The following PCDHGA9 variants were observed in gnomAD, a reference collection of about 807,000 sequenced individuals.
The protein encoded by PCDHGA9 is protocadherin gamma subfamily A, 9, also known as protocadherin gamma-A9.
PCDHGA9 carries 37 observed loss-of-function variants against 62.5 expected under a neutral mutation model. The observed-to-expected ratio is 0.59, with a 90% CI of 0.46 to 0.78. The LOEUF is 0.78. PCDHGA9 is among the 30% of genes least tolerant of loss of function. The pLI, the probability that PCDHGA9 is intolerant of heterozygous loss-of-function variation, is 0.00. For synonymous variants in PCDHGA9, 459 were observed against 484.6 expected (o/e 0.95, Z 0.69); for missense variants, 1,138 against 1,166.2 (o/e 0.98, Z 0.35).
At chr5:141,472,113 A>C (rs1296591849) in intron 1 of PCDHGA9, among the ~76,000 whole-genome samples, 1 of 152,260 alleles carries the variant, frequency 6.6e-6, no homozygotes, top group Non-Finnish European at 1.5e-5. Context: ...ATACATAAAG[A>C]AAATAAAAGA....
intron 1 of PCDHGA9, among the ~76,000 whole-genome samples, chr5:141,455,967 A>T (rs965245893): frequency 2.7e-5 from 4 of 150,838 alleles, no homozygotes; most frequent in Non-Finnish European, 4.4e-5. Flanking sequence ...GCGCGATCTC[A>T]GCTCACTGCA....
chr5:141,464,419 A>C (rs2099083824), intron 1 of PCDHGA9, among the ~76,000 whole-genome samples: 1 of 151,658 alleles, frequency 6.6e-6, no homozygotes, highest in Non-Finnish European at 1.5e-5. Flanking sequence ...ATATATCTAT[A>C]TATATAGATA....
intron 1 of PCDHGA9, among the ~76,000 whole-genome samples, chr5:141,460,070 T>C (rs547558436): frequency 2.0e-5 from 3 of 152,202 alleles, no homozygotes; most frequent in South Asian, 2.1e-4. Flanking sequence ...AGAGTGAGAC[T>C]TCATCTAAAA....
At chr5:141,419,642 G>A (rs376762490) in intron 1 of PCDHGA9, 1 of 1,612,412 alleles carries the variant, frequency 6.2e-7, no homozygotes, top group African/African-American at 1.3e-5. Context: ...GGTGGCCGTG[G>A]ACGCGGACTC....
intron 1 of PCDHGA9, among the ~76,000 whole-genome samples, chr5:141,463,087 C>T (rs971667191): frequency 6.6e-6 from 1 of 152,120 alleles, no homozygotes; most frequent in Non-Finnish European, 1.5e-5. Context: ...CATTTTCCAG[C>T]CCTATGTGAC....
intron 1 of PCDHGA9, among the ~76,000 whole-genome samples, chr5:141,453,176 C>T (rs1225418058): frequency 6.6e-6 from 1 of 152,042 alleles, no homozygotes; most frequent in Non-Finnish European, 1.5e-5. Flanking sequence ...TCCAGTGGTA[C>T]AATCACAGCT....
intron 1 of PCDHGA9, among the ~76,000 whole-genome samples, chr5:141,483,993 G>T (rs1307708919): frequency 6.8e-6 from 1 of 147,882 alleles, no homozygotes; most frequent in Non-Finnish European, 1.5e-5. Flanking sequence ...AGGTTGCTGG[G>T]AGGTCTGGAT....
intron 1 of PCDHGA9, chr5:141,413,447 C>T: frequency 2.5e-6 from 4 of 1,614,088 alleles, no homozygotes; most frequent in Non-Finnish European, 3.4e-6. Flanking sequence ...TTGATCACCG[C>T]GGGCAGGATA....
intron 1 of PCDHGA9, among the ~76,000 whole-genome samples, chr5:141,472,131 A>C (rs565506002): frequency 6.6e-6 from 1 of 152,264 alleles, no homozygotes; most frequent in Non-Finnish European, 1.5e-5. Flanking sequence ...AGAGAAGTTA[A>C]AAATAAAAGT....
At chr5:141,478,444 T>C (rs1190996745) in intron 1 of PCDHGA9, 1 of 1,613,478 alleles carries the variant, frequency 6.2e-7, no homozygotes, top group Non-Finnish European at 8.5e-7. Flanking sequence ...TGAAGAAACC[T>C]GGTGCAGCCA....
chr5:141,464,263 TAAA>T (rs35224477), intron 1 of PCDHGA9, among the ~76,000 whole-genome samples: 2 of 103,604 alleles, frequency 1.9e-5, no homozygotes, highest in Non-Finnish European at 1.9e-5. Flanking sequence ...AGACTCCGTC[TAAA>T]AAAAAAAAAA....
chr5:141,420,301 CT>C, intron 1 of PCDHGA9: 1 of 1,462,308 alleles, frequency 6.8e-7, no homozygotes, highest in Non-Finnish European at 9.2e-7. Flanking sequence ...GTATTTAATC[CT>C]TTTTATATTA....
intron 1 of PCDHGA9, among the ~76,000 whole-genome samples, chr5:141,435,651 C>T (rs762264332): frequency 1.4e-4 from 22 of 152,044 alleles, no homozygotes; most frequent in Non-Finnish European, 2.9e-4. Flanking sequence ...ATTTCTGAAA[C>T]GTGCACAGAT....
intron 1 of PCDHGA9, among the ~76,000 whole-genome samples, chr5:141,437,926 T>C (rs1374182368): frequency 2.6e-5 from 4 of 152,058 alleles, no homozygotes; most frequent in Admixed American, 1.3e-4. Context: ...TTAGTAGAGA[T>C]GGGGTTTCAC....
At position 141,405,128 on chromosome 5, in the gene PCDHGA9, C is replaced by T. The variant is rs373084923; in HGVS notation, c.2176C>T (p.Arg726Trp). The change falls in exon 1 of 4, where the codon CGG (arginine) becomes TGG (tryptophan). Residue 726 changes from arginine to tryptophan, a missense_variant. Physicochemically the swap from Arg to Trp is moderately radical, Grantham distance 101 (BLOSUM62 -3). Transcript: ENST00000573521. ...GCACTGGCACTCCTCGCATCTGCTG[C>T]GGGCTACCAGTGATGGGTTGGCTGG... is the stretch of plus-strand genomic sequence containing the variant. ...LRHWHSSHLL[R>W]ATSDGLAGVP... The T allele has an allele frequency of 4.8e-5, 78 of 1,614,002 alleles. No individual in the cohort carries two copies. The highest frequency in any genetic ancestry group is 2.8e-4 in the African/African-American group (21 of 75,052).
intron 1 of PCDHGA9, chr5:141,413,669 A>C: frequency 6.2e-7 from 1 of 1,613,844 alleles, no homozygotes; most frequent in South Asian, 1.1e-5. Flanking sequence ...ATTGATCCGG[A>C]TGTGGGCGTG....
intron 1 of PCDHGA9, among the ~76,000 whole-genome samples, chr5:141,443,466 A>G (rs1402303157): frequency 6.6e-6 from 1 of 152,184 alleles, no homozygotes; most frequent in East Asian, 1.9e-4. Flanking sequence ...AGTCTGGGTG[A>G]CAGAATTAGA....
chr5:141,474,518 G>T (rs1054372142), intron 1 of PCDHGA9, among the ~76,000 whole-genome samples: 1 of 152,168 alleles, frequency 6.6e-6, no homozygotes, highest in African/African-American at 2.4e-5. Context: ...CCTCTTGCTG[G>T]TCTGGCTAAT....
At chr5:141,409,761 T>C (rs1373037367) in intron 1 of PCDHGA9, 1 of 1,612,966 alleles carries the variant, frequency 6.2e-7, no homozygotes, top group African/African-American at 1.3e-5. Flanking sequence ...CAGCGCGCCT[T>C]TGATCACGAG....
Sources: gnomAD v4.1 joint callset for allele counts (sites outside exome capture counted in the v4.1 genomes callset) on GRCh38, gnomAD v4.1.1 for gene constraint, MANE v1.5 for transcripts, NCBI Gene and HGNC (gene_info 2026-07-23, HGNC 2026-07-21) for gene names.